PDZRN4: variants seen among roughly 807,000 people sequenced by gnomAD.
PDZRN4 encodes PDZ domain-containing RING finger protein 4.
A neutral mutation model predicts 99.0 loss-of-function variants in PDZRN4; 70 were observed. The ratio of observed to expected loss-of-function variants is 0.71; its 90% CI spans 0.58 to 0.86. The LOEUF is 0.86. Among genes scored for constraint, PDZRN4 ranks in the 40% least tolerant of loss-of-function variants. The probability of loss-of-function intolerance (pLI) is 0.00; values close to 1 mark genes in which losing one functional copy is unlikely to be tolerated. For missense variants in PDZRN4, 1,474 were observed against 1,331.2 expected (o/e 1.11, Z -1.67); for synonymous variants, 551 against 501.6 (o/e 1.10, Z -1.32).
intron 3 of PDZRN4, among the ~76,000 whole-genome samples, chr12:41,197,473 G>A (rs1245552255): frequency 2.6e-5 from 4 of 152,146 alleles, no homozygotes; most frequent in African/African-American, 9.7e-5. Context: ...AAGCAACTAT[G>A]TTAACCAGTT....
At chr12:41,395,079 C>T (rs374368498) in intron 3 of PDZRN4, among the ~76,000 whole-genome samples, 108 of 152,182 alleles carry the variant, frequency 7.1e-4, no homozygotes, top group African/African-American at 2.5e-3. Context: ...AATACACCCA[C>T]CCCTGTCCAG....
intron 3 of PDZRN4, among the ~76,000 whole-genome samples, chr12:41,322,071 A>G (rs1456506645): frequency 6.6e-6 from 1 of 151,998 alleles, no homozygotes; most frequent in African/African-American, 2.4e-5. Context: ...CTTGCTCTTC[A>G]CCCAGGCTGC....
At chr12:41,358,751 CTTTAT>C (rs1041037547) in intron 3 of PDZRN4, among the ~76,000 whole-genome samples, 3 of 151,932 alleles carry the variant, frequency 2.0e-5, no homozygotes, top group African/African-American at 7.2e-5. Flanking sequence ...CCATGGATGA[CTTTAT>C]TTTGTTTATA....
At position 41,301,360 on chromosome 12, in the gene PDZRN4, C is replaced by G. The variant is rs531267572; in HGVS notation, c.843+107172C>G. The stretch of plus-strand genomic sequence containing the variant: ...AAATTCCCTTTGTTATTCTGCAGAA[C>G]AGTGGAATAACTGTATTATTGCCAT... On this transcript the variant is annotated intron_variant, in intron 3 of 9. Transcript: ENST00000402685. Among the ~76,000 whole-genome samples, 10 of 152,068 alleles carry G rather than the reference C, an allele frequency of 6.6e-5. No individual in the cohort carries two copies. In the South Asian group the frequency reaches 2.1e-3, roughly 32 times the overall value.
intron 3 of PDZRN4, among the ~76,000 whole-genome samples, chr12:41,440,994 A>C (rs1300860185): frequency 6.6e-6 from 1 of 152,152 alleles, no homozygotes; most frequent in Non-Finnish European, 1.5e-5. Flanking sequence ...ATTTCTGAGT[A>C]AGATTATATA....
At chr12:41,358,341 A>T (rs1951942133) in intron 3 of PDZRN4, among the ~76,000 whole-genome samples, 1 of 152,020 alleles carries the variant, frequency 6.6e-6, no homozygotes, top group African/African-American at 2.4e-5. Flanking sequence ...GAATATTTTT[A>T]TTAAACTCTA....
At chr12:41,198,466 A>G (rs1400871682) in intron 3 of PDZRN4, among the ~76,000 whole-genome samples, 2 of 152,054 alleles carry the variant, frequency 1.3e-5, no homozygotes, top group African/African-American at 4.8e-5. Flanking sequence ...AGCACAAAGC[A>G]GAGGATTTTT....
intron 3 of PDZRN4, among the ~76,000 whole-genome samples, chr12:41,457,546 CT>C (rs1208650319): frequency 6.6e-6 from 1 of 152,192 alleles, no homozygotes; most frequent in African/African-American, 2.4e-5. Context: ...CTTTCTCTTC[CT>C]TTTTTTAGCT....
intron 3 of PDZRN4, among the ~76,000 whole-genome samples, chr12:41,347,208 C>CGTT (rs1951860087): frequency 6.6e-6 from 1 of 151,984 alleles, no homozygotes; most frequent in African/African-American, 2.4e-5. Flanking sequence ...CTATGTTTAA[C>CGTT]CCTTTGAAAA....
intron 3 of PDZRN4, among the ~76,000 whole-genome samples, chr12:41,273,481 G>A (rs530894103): frequency 4.6e-5 from 7 of 152,146 alleles, no homozygotes; most frequent in African/African-American, 1.4e-4. Context: ...ACAGTATAGC[G>A]TGATAGAAAC....
At chr12:41,197,752 G>A (rs568701577) in intron 3 of PDZRN4, among the ~76,000 whole-genome samples, 49 of 152,052 alleles carry the variant, frequency 3.2e-4, no homozygotes, top group Non-Finnish European at 5.7e-4. Context: ...CGAAGGTTGG[G>A]CACAATTCTG....
chr12:41,230,201 C>G (rs981578700), intron 3 of PDZRN4, among the ~76,000 whole-genome samples: 1 of 151,860 alleles, frequency 6.6e-6, no homozygotes, highest in South Asian at 2.1e-4. Flanking sequence ...AGAGTACACA[C>G]GCTCTTTAGG....
At chr12:41,265,628 T>C (rs1951270599) in intron 3 of PDZRN4, among the ~76,000 whole-genome samples, 1 of 152,204 alleles carries the variant, frequency 6.6e-6, no homozygotes, top group Non-Finnish European at 1.5e-5. Flanking sequence ...CTCAGTTGTT[T>C]CTTAGCATAG....
At chr12:41,456,820 G>T (rs1952820329) in intron 3 of PDZRN4, among the ~76,000 whole-genome samples, 1 of 152,194 alleles carries the variant, frequency 6.6e-6, no homozygotes, top group African/African-American at 2.4e-5. Context: ...CTGCAATTGA[G>T]TATGACAATG....
chr12:41,286,719 G>A (rs1213527403), intron 3 of PDZRN4, among the ~76,000 whole-genome samples: 1 of 152,108 alleles, frequency 6.6e-6, no homozygotes, highest in Non-Finnish European at 1.5e-5. Flanking sequence ...GGACATTGCT[G>A]TTGTTTGCAG....
chr12:41,221,460 A>G (rs1278579966), intron 3 of PDZRN4, among the ~76,000 whole-genome samples: 2 of 152,144 alleles, frequency 1.3e-5, no homozygotes, highest in Non-Finnish European at 2.9e-5. Flanking sequence ...TATGGAAGCT[A>G]GACAATATAT....
At chr12:41,384,420 C>T (rs77549587) in intron 3 of PDZRN4, among the ~76,000 whole-genome samples, 2,891 of 152,094 alleles carry the variant, frequency 0.019, 73 homozygotes, top group African/African-American at 0.062. Flanking sequence ...CTTTATTTTA[C>T]GGGTTTCCTG....
At chr12:41,226,180 C>A (rs1950993473) in intron 3 of PDZRN4, among the ~76,000 whole-genome samples, 1 of 151,932 alleles carries the variant, frequency 6.6e-6, no homozygotes, top group South Asian at 2.1e-4. Flanking sequence ...TTTCCCTGGC[C>A]CATTTGCTCA....
intron 3 of PDZRN4, among the ~76,000 whole-genome samples, chr12:41,246,503 T>G (rs1382666134): frequency 1.3e-5 from 2 of 152,230 alleles, no homozygotes; most frequent in African/African-American, 4.8e-5. Flanking sequence ...TCCAAAACGT[T>G]TGCAGTTTGT....
Sources: allele counts gnomAD v4.1 joint callset (sites outside exome capture counted in the v4.1 genomes callset), GRCh38; gene constraint gnomAD v4.1.1; transcripts MANE v1.5; gene names NCBI Gene and HGNC (gene_info 2026-07-23, HGNC 2026-07-21).